NHSL1: variants seen among roughly 807,000 people sequenced by gnomAD.
NHSL1 encodes NHS like 1.
NHSL1 carries 48 observed loss-of-function variants against 95.0 expected under a neutral mutation model. That is an observed-to-expected ratio of 0.51 (90% CI 0.40 to 0.64). The LOEUF (loss-of-function observed/expected upper bound fraction) is 0.64. Among genes scored for constraint, NHSL1 ranks in the 30% least tolerant of loss-of-function variants. The probability of loss-of-function intolerance (pLI) is 0.00; values close to 1 mark genes in which losing one functional copy is unlikely to be tolerated. For missense variants in NHSL1, 1,971 were observed against 2,077.7 expected (o/e 0.95, Z 1.00); for synonymous variants, 783 against 833.9 (o/e 0.94, Z 1.05).
intron 1 of NHSL1, among the ~76,000 whole-genome samples, chr6:138,580,410 G>A (rs1025956011): frequency 1.4e-4 from 22 of 152,160 alleles, no homozygotes; most frequent in Non-Finnish European, 2.1e-4. Context: ...TAATTTCTTC[G>A]GGATGAGATG....
chr6:138,617,196 G>A (rs1784591964), intron 1 of NHSL1, among the ~76,000 whole-genome samples: 1 of 152,164 alleles, frequency 6.6e-6, no homozygotes, highest in Admixed American at 6.5e-5. Flanking sequence ...GAGACATATA[G>A]AATGGGACTT....
intron 2 of NHSL1, among the ~76,000 whole-genome samples, chr6:138,486,172 T>C (rs1779718966): frequency 6.6e-6 from 1 of 152,186 alleles, no homozygotes; most frequent in Admixed American, 6.5e-5. Context: ...CTGACTCCTT[T>C]TGTCTACGGC....
At chr6:138,483,492 T>A (rs1477333962) in intron 2 of NHSL1, among the ~76,000 whole-genome samples, 1 of 152,232 alleles carries the variant, frequency 6.6e-6, no homozygotes, top group East Asian at 1.9e-4. Flanking sequence ...GTGTCTTACA[T>A]GTCAAGATTT....
At chr6:138,544,774 AAC>A (rs1303671346) in intron 1 of NHSL1, among the ~76,000 whole-genome samples, 1 of 152,280 alleles carries the variant, frequency 6.6e-6, no homozygotes, top group South Asian at 2.1e-4. Flanking sequence ...CACATAGACA[AAC>A]ACACTCTCAC....
intron 1 of NHSL1, among the ~76,000 whole-genome samples, chr6:138,648,565 T>G (rs994767146): frequency 2.0e-5 from 3 of 152,154 alleles, no homozygotes; most frequent in Non-Finnish European, 4.4e-5. Context: ...CCCACTAAAA[T>G]AACTGGACTT....
intron 2 of NHSL1, among the ~76,000 whole-genome samples, chr6:138,479,692 A>C (rs1449509060): frequency 6.6e-6 from 1 of 152,232 alleles, no homozygotes; most frequent in African/African-American, 2.4e-5. Flanking sequence ...TGAAACCACA[A>C]ATAAGAGAGG....
At chr6:138,564,424 G>C (rs557556534) in intron 1 of NHSL1, among the ~76,000 whole-genome samples, 1 of 152,248 alleles carries the variant, frequency 6.6e-6, no homozygotes, top group South Asian at 2.1e-4. Flanking sequence ...CGAGCACTTT[G>C]GGAAGCCGAG....
At chr6:138,657,866 C>A (rs1785178033) in intron 1 of NHSL1, among the ~76,000 whole-genome samples, 1 of 142,248 alleles carries the variant, frequency 7.0e-6, no homozygotes, top group African/African-American at 2.6e-5. Context: ...TAAATAATTT[C>A]AATGAGAAAA....
chr6:138,685,400 C>T (rs569171842), intron 1 of NHSL1, among the ~76,000 whole-genome samples: 28 of 152,254 alleles, frequency 1.8e-4, no homozygotes, highest in Middle Eastern at 3.4e-3. Context: ...TCCATAATGA[C>T]ATTGCACTTT....
intron 3 of NHSL1, among the ~76,000 whole-genome samples, chr6:138,451,781 T>C (rs1583198157): frequency 6.6e-6 from 1 of 152,170 alleles, no homozygotes; most frequent in South Asian, 2.1e-4. Context: ...CAGTGTAAAA[T>C]AACAATGTGG....
chr6:138,557,747 G>A (rs1213946973), intron 1 of NHSL1, among the ~76,000 whole-genome samples: 1 of 152,172 alleles, frequency 6.6e-6, no homozygotes, highest in Non-Finnish European at 1.5e-5. Flanking sequence ...TTCAAATCCA[G>A]TCTATACCAA....
chr6:138,543,982 G>A (rs1782684356), intron 1 of NHSL1, among the ~76,000 whole-genome samples: 2 of 152,090 alleles, frequency 1.3e-5, no homozygotes, highest in African/African-American at 4.8e-5. Context: ...AAAATTTTCT[G>A]AGTTACCACA....
At chr6:138,516,044 C>T (rs986526866) in intron 1 of NHSL1, among the ~76,000 whole-genome samples, 3 of 152,202 alleles carry the variant, frequency 2.0e-5, no homozygotes, top group Non-Finnish European at 4.4e-5. Flanking sequence ...CCTCAGCAGC[C>T]GGCCTAGCAT....
intron 1 of NHSL1, among the ~76,000 whole-genome samples, chr6:138,530,748 T>G (rs1346002040): frequency 6.6e-6 from 1 of 152,174 alleles, no homozygotes; most frequent in Non-Finnish European, 1.5e-5. Context: ...AATATAGTGA[T>G]ATATAGCTAT....
At chr6:138,467,643 G>A (rs1778480654) in intron 3 of NHSL1, among the ~76,000 whole-genome samples, 1 of 152,192 alleles carries the variant, frequency 6.6e-6, no homozygotes. Context: ...CAGTGATATT[G>A]ATGCTGCTGA....
intron 1 of NHSL1, among the ~76,000 whole-genome samples, chr6:138,523,137 T>C (rs1781751925): frequency 6.6e-6 from 1 of 150,938 alleles, no homozygotes; most frequent in Non-Finnish European, 1.5e-5. Flanking sequence ...CTGGGCAGAA[T>C]ATACCCACTA....
intron 4 of NHSL1, among the ~76,000 whole-genome samples, chr6:138,445,091 C>T (rs988975193): frequency 2.0e-5 from 3 of 152,266 alleles, no homozygotes; most frequent in South Asian, 4.1e-4. Flanking sequence ...AGAGACATGA[C>T]ACTGTCTTCT....
intron 7 of NHSL1, among the ~76,000 whole-genome samples, chr6:138,428,124 A>G (rs1775383828): frequency 2.0e-5 from 3 of 152,218 alleles, no homozygotes; most frequent in African/African-American, 7.2e-5. Flanking sequence ...TGGACCCACA[A>G]CAGTTGGGTT....
intron 1 of NHSL1, among the ~76,000 whole-genome samples, chr6:138,658,556 T>C (rs1259448196): frequency 6.6e-6 from 1 of 152,236 alleles, no homozygotes; most frequent in East Asian, 1.9e-4. Context: ...TATTCCATTG[T>C]AAATAAACAC....
Sources: allele counts gnomAD v4.1 joint callset (sites outside exome capture counted in the v4.1 genomes callset), GRCh38; gene constraint gnomAD v4.1.1; transcripts MANE v1.5; gene names NCBI Gene and HGNC (gene_info 2026-07-23, HGNC 2026-07-21).